Variants in GMDS observed in about 807,000 individuals in gnomAD.
The protein encoded by GMDS is GDP-mannose 4,6 dehydratase.
Under a neutral mutation model 49.9 loss-of-function variants are expected in GMDS, and 20 were observed. The observed-to-expected ratio is 0.40, with a 90% CI of 0.28 to 0.58. GMDS has a LOEUF of 0.58. Among genes scored for constraint, GMDS ranks in the 20% least tolerant of loss-of-function variants. The pLI, the probability that GMDS is intolerant of heterozygous loss-of-function variation, is 0.42. For synonymous variants in GMDS, 177 were observed against 178.6 expected, an observed-to-expected ratio of 0.99 and a Z score of 0.07; for missense variants, 362 against 481.4, an observed-to-expected ratio of 0.75 and a Z score of 2.32.
intron 7 of GMDS, among the ~76,000 whole-genome samples, chr6:1,871,614 A>G (rs1758758345): frequency 2.6e-5 from 4 of 152,214 alleles, no homozygotes; most frequent in Admixed American, 2.6e-4. Context: ...TACCAATTTT[A>G]TAATAGAAAA....
At chr6:2,212,053 T>C (rs531570936) in intron 1 of GMDS, among the ~76,000 whole-genome samples, 24 of 152,380 alleles carry the variant, frequency 1.6e-4, no homozygotes, top group Non-Finnish European at 3.1e-4. Flanking sequence ...CAGGGAATTT[T>C]AATGTCATAG....
intron 9 of GMDS, among the ~76,000 whole-genome samples, chr6:1,726,074 A>G (rs913061933): frequency 6.6e-6 from 1 of 152,238 alleles, no homozygotes; most frequent in Non-Finnish European, 1.5e-5. Context: ...GGTCTGGGAC[A>G]GCGTTGTTAA....
At chr6:1,902,195 T>C (rs1300254722) in intron 7 of GMDS, among the ~76,000 whole-genome samples, 1 of 152,254 alleles carries the variant, frequency 6.6e-6, no homozygotes, top group East Asian at 1.9e-4. Flanking sequence ...CTAAATTTCC[T>C]TGCTCTTAAA....
chr6:2,081,217 A>G (rs1772675591), intron 4 of GMDS, among the ~76,000 whole-genome samples: 1 of 152,150 alleles, frequency 6.6e-6, no homozygotes, highest in South Asian at 2.1e-4. Flanking sequence ...AAAAAAAAAC[A>G]AAACAAAACA....
intron 4 of GMDS, among the ~76,000 whole-genome samples, chr6:1,990,190 G>C (rs990927461): frequency 2.0e-5 from 3 of 152,198 alleles, no homozygotes; most frequent in Admixed American, 1.3e-4. Context: ...CAGCTACCCA[G>C]GAGACTGAGG....
intron 4 of GMDS, among the ~76,000 whole-genome samples, chr6:2,057,041 CTGA>C (rs1770821004): frequency 6.6e-6 from 1 of 152,170 alleles, no homozygotes; most frequent in East Asian, 1.9e-4. Context: ...AGTTCCTAGC[CTGA>C]TGAGGAAAAT....
At chr6:2,096,711 A>G (rs1196643474) in intron 4 of GMDS, among the ~76,000 whole-genome samples, 1 of 152,200 alleles carries the variant, frequency 6.6e-6, no homozygotes, top group Non-Finnish European at 1.5e-5. Flanking sequence ...AATTCTCACT[A>G]GCTTGGGGTC....
At chr6:1,937,501 G>A (rs1171675547) in intron 6 of GMDS, among the ~76,000 whole-genome samples, 2 of 152,172 alleles carry the variant, frequency 1.3e-5, no homozygotes, top group South Asian at 2.1e-4. Context: ...TCACAGCTCT[G>A]GAGGCTTGAA....
At chr6:2,029,495 G>T (rs1376270031) in intron 4 of GMDS, among the ~76,000 whole-genome samples, 1 of 152,130 alleles carries the variant, frequency 6.6e-6, no homozygotes, top group African/African-American at 2.4e-5. Context: ...ATTGTCCAGG[G>T]TATTGGTAAT....
chr6:1,721,122 T>C (rs1370242541), intron 9 of GMDS, among the ~76,000 whole-genome samples: 2 of 151,564 alleles, frequency 1.3e-5, no homozygotes, highest in African/African-American at 4.9e-5. Context: ...GGCTATGAGA[T>C]AGAGCAAGCA....
chr6:1,744,066 C>T (rs141720465), intron 7 of GMDS, among the ~76,000 whole-genome samples: 34 of 152,266 alleles, frequency 2.2e-4, no homozygotes, highest in Middle Eastern at 6.8e-3. Context: ...CCTATTTTCT[C>T]TTAGAAAATG....
chr6:1,803,363 C>A (rs952824068), intron 7 of GMDS, among the ~76,000 whole-genome samples: 21 of 152,094 alleles, frequency 1.4e-4, no homozygotes, highest in Admixed American at 1.1e-3. Context: ...CAATGTATTT[C>A]TTTTCTGCTT....
intron 7 of GMDS, among the ~76,000 whole-genome samples, chr6:1,753,077 C>CT (rs1468357864): frequency 6.6e-6 from 1 of 152,058 alleles, no homozygotes; most frequent in Non-Finnish European, 1.5e-5. Context: ...CCAATTAAAA[C>CT]TTACAGACTG....
intron 4 of GMDS, among the ~76,000 whole-genome samples, chr6:2,031,152 C>T (rs185450631): frequency 6.6e-6 from 1 of 152,298 alleles, no homozygotes; most frequent in East Asian, 1.9e-4. Flanking sequence ...TGCAGTAGTT[C>T]TGGGGTGGAG....
At chr6:1,884,783 C>T (rs947558100) in intron 7 of GMDS, among the ~76,000 whole-genome samples, 23 of 152,198 alleles carry the variant, frequency 1.5e-4, no homozygotes, top group Non-Finnish European at 3.2e-4. Context: ...CAATGATTTA[C>T]TCATTAAAAA....
intron 7 of GMDS, among the ~76,000 whole-genome samples, chr6:1,881,130 A>T (rs1019685875): frequency 2.6e-5 from 4 of 152,198 alleles, no homozygotes; most frequent in African/African-American, 9.7e-5. Context: ...TTCAACTATT[A>T]ATTTAAAAAC....
At chr6:1,832,243 T>C (rs761093361) in intron 7 of GMDS, among the ~76,000 whole-genome samples, 31 of 151,380 alleles carry the variant, frequency 2.0e-4, no homozygotes, top group Admixed American at 4.6e-4. Flanking sequence ...ATAAGAAAAT[T>C]AGCCAGGTGT....
At chr6:1,841,155 T>C (rs539575262) in intron 7 of GMDS, among the ~76,000 whole-genome samples, 1 of 152,280 alleles carries the variant, frequency 6.6e-6, no homozygotes, top group South Asian at 2.1e-4. Context: ...AGTAAAAGAA[T>C]AAGGGTGGTA....
chr6:2,056,679 T>C (rs1770796841), intron 4 of GMDS, among the ~76,000 whole-genome samples: 1 of 152,152 alleles, frequency 6.6e-6, no homozygotes, highest in African/African-American at 2.4e-5. Flanking sequence ...AATATAGAGA[T>C]ATGCACATAC....
Sources: allele counts gnomAD v4.1 joint callset (sites outside exome capture counted in the v4.1 genomes callset), GRCh38; gene constraint gnomAD v4.1.1; transcripts MANE v1.5; gene names NCBI Gene and HGNC (gene_info 2026-07-23, HGNC 2026-07-21).